SGF29: variants seen among roughly 807,000 people sequenced by gnomAD.
The protein encoded by SGF29 is SAGA-associated factor 29.
A neutral mutation model predicts 38.1 loss-of-function variants in SGF29; 15 were observed. The observed-to-expected ratio is 0.39, with a 90% CI of 0.26 to 0.61. The LOEUF is 0.61. Ranked by LOEUF, SGF29 falls within the 20% of genes least tolerant of loss-of-function variation. SGF29 has a pLI of 0.49. For missense variants in SGF29, 184 were observed against 394.6 expected (o/e 0.47, Z 4.52); for synonymous variants, 151 against 160.8 (o/e 0.94, Z 0.46).
At chr16:28,576,607 G>A (rs1015986491) in intron 1 of SGF29, among the ~76,000 whole-genome samples, 1 of 151,870 alleles carries the variant, frequency 6.6e-6, no homozygotes, top group Non-Finnish European at 1.5e-5. Context: ...GGCTGAGGCA[G>A]GAGAATTGCT....
intron 1 of SGF29, among the ~76,000 whole-genome samples, chr16:28,579,243 C>A (rs966201704): frequency 6.7e-6 from 1 of 149,760 alleles, no homozygotes; most frequent in Non-Finnish European, 1.5e-5. Flanking sequence ...TCTTTTTACT[C>A]TTGTTCTAAT....
At chr16:28,569,896 G>A (rs2046854890) in intron 1 of SGF29, among the ~76,000 whole-genome samples, 1 of 152,178 alleles carries the variant, frequency 6.6e-6, no homozygotes, top group Non-Finnish European at 1.5e-5. Context: ...TTGGCAGCCC[G>A]AGGTAGTTTG....
At chr16:28,564,725 A>G (rs563662879) in intron 1 of SGF29, among the ~76,000 whole-genome samples, 1,470 of 48,180 alleles carry the variant, frequency 0.031, 62 homozygotes, top group African/African-American at 0.08. Flanking sequence ...ATGTATATAT[A>G]TACATATATA....
At chr16:28,589,393 G>C (rs2046973990) in intron 5 of SGF29, 3 of 526,894 alleles carry the variant, frequency 5.7e-6, no homozygotes, top group South Asian at 4.2e-5. Context: ...ATCCCGCCCT[G>C]GCCCCTCATC....
chr16:28,574,170 T>G (rs2046880717), intron 1 of SGF29, among the ~76,000 whole-genome samples: 1 of 152,092 alleles, frequency 6.6e-6, no homozygotes, highest in South Asian at 2.1e-4. Context: ...TTAAGAAGCT[T>G]TGGAACAGGA....
rs2046874111 is a variant in SGF29 at position 28,573,059 on chromosome 16, GT to G, written c.-15-7992del. 2.0e-5 allele frequency among the ~76,000 whole-genome samples: 3 copies of G among 152,252 alleles called. No individual in the cohort carries two copies. The South Asian group carries it at 6.2e-4, about 32-fold the overall frequency. ...GGCTTCTGTCTCTTCCACGGAAAAT[GT>G]TTTCCCCAAGGTCCTCAGTGACTTC... On this transcript the variant is annotated intron_variant, in intron 1 of 9. Coordinates refer to ENST00000317058, the MANE Select transcript of SGF29 (RefSeq NM_138414.3).
rs1182399273 is a variant in SGF29, at chr16:28,587,581, T to C, written c.225-1519T>C. On this transcript the variant is annotated intron_variant, in intron 4 of 9. Coordinates refer to ENST00000317058, the MANE Select transcript of SGF29 (RefSeq NM_138414.3). ...CTACCTCCATCTTCTGGCCCTGGCCTGGTGAGGTCCATGAGTCACATGCCC... is the reference window on the plus strand; with the variant it reads ...CTACCTCCATCTTCTGGCCCTGGCCCGGTGAGGTCCATGAGTCACATGCCC... Among the ~76,000 whole-genome samples, 30 of 152,200 alleles carry C rather than the reference T, an allele frequency of 2.0e-4. 1 individual carries two copies. The highest frequency in any genetic ancestry group is 2.0e-3 in the Admixed American group (30 of 15,288).
chr16:28,581,022 C>A, intron 1 of SGF29, 33 bp from the exon 2 acceptor site: 1 of 1,517,096 alleles, frequency 6.6e-7, no homozygotes. Context: ...CAGCCACTAA[C>A]AGAGTTCTCT....
At chr16:28,588,516 C>T (rs2046968016) in intron 4 of SGF29, 2 of 375,734 alleles carry the variant, frequency 5.3e-6, no homozygotes. Flanking sequence ...TTTCTACCAC[C>T]TTGTTTTTTA....
rs371567713 is a variant in SGF29, at chr16:28,590,052, C to T, written c.290-44C>T. The T allele has an allele frequency of 1.3e-4, 212 of 1,587,848 alleles. 1 individual carries two copies. The East Asian group carries it at 2.7e-3, about 20-fold the overall frequency. On this transcript the variant is annotated intron_variant, in intron 5 of 9. Coordinates refer to ENST00000317058, the MANE Select transcript of SGF29 (RefSeq NM_138414.3). The surrounding 1 kb of genome is among the most constrained non-coding windows in gnomAD (Gnocchi z 8.2). ...GTGCAGCATGCTCGGGGGTCAAGGCCGGCACCTATCCCTGGGGCCTCAGGC... is the reference window on the plus strand; with the variant it reads ...GTGCAGCATGCTCGGGGGTCAAGGCTGGCACCTATCCCTGGGGCCTCAGGC...
chr16:28,583,369 T>C (rs1191868197), intron 2 of SGF29, among the ~76,000 whole-genome samples: 1 of 152,232 alleles, frequency 6.6e-6, no homozygotes, highest in Non-Finnish European at 1.5e-5. Context: ...GCAGCAGTAC[T>C]AGTCTAGCAA....
intron 9 of SGF29, 110 bp from the exon 10 acceptor site, chr16:28,591,480 T>A: frequency 1.3e-6 from 1 of 758,376 alleles, no homozygotes; most frequent in Non-Finnish European, 2.4e-6. Context: ...ATGTTAGGAG[T>A]GGCTGAGAGT....
intron 1 of SGF29, among the ~76,000 whole-genome samples, chr16:28,565,784 G>A (rs1426588530): frequency 1.3e-5 from 2 of 151,554 alleles, no homozygotes; most frequent in Non-Finnish European, 2.9e-5. Context: ...ACCACGCCCA[G>A]CCAGGTATGG....
intron 1 of SGF29, among the ~76,000 whole-genome samples, chr16:28,567,138 GA>G (rs1163011961): frequency 4.0e-5 from 6 of 151,778 alleles, no homozygotes; most frequent in African/African-American, 1.2e-4. Flanking sequence ...TTTTATTATG[GA>G]AAATTTCTAG....
intron 3 of SGF29, 113 bp downstream of exon 3, chr16:28,585,101 T>C (rs2046949364): frequency 3.9e-6 from 3 of 772,560 alleles, no homozygotes; most frequent in African/African-American, 1.7e-5. Flanking sequence ...TGTATCTGCA[T>C]ATTCCAAAAT....
chr16:28,587,501 T>C (rs1205442773), intron 4 of SGF29, among the ~76,000 whole-genome samples: 1 of 152,202 alleles, frequency 6.6e-6, no homozygotes, highest in Non-Finnish European at 1.5e-5. Context: ...ATCCCTGCAT[T>C]GTACGCAGCA....
chr16:28,585,797 C>T (rs1382093672), intron 4 of SGF29, 77 bp downstream of exon 4: 1 of 1,329,954 alleles, frequency 7.5e-7, no homozygotes, highest in Non-Finnish European at 1.1e-6. Context: ...TGGACCAAGT[C>T]CCCAGCCTGC....
chr16:28,569,019 C>T (rs1050061735), intron 1 of SGF29, among the ~76,000 whole-genome samples: 4 of 150,444 alleles, frequency 2.7e-5, no homozygotes, highest in Admixed American at 1.3e-4. Flanking sequence ...ACCTGGGAGG[C>T]GAAGTTTGCA....
At chr16:28,576,784 T>C (rs1345054520) in intron 1 of SGF29, among the ~76,000 whole-genome samples, 2 of 152,068 alleles carry the variant, frequency 1.3e-5, no homozygotes, top group African/African-American at 2.4e-5. Context: ...GCCAAAAAAA[T>C]AGACGTAACC....
Sources: gnomAD v4.1 joint callset for allele counts (sites outside exome capture counted in the v4.1 genomes callset) on GRCh38, gnomAD v4.1.1 for gene constraint, Gnocchi (gnomAD v3.1) non-coding constraint, MANE v1.5 for transcripts, NCBI Gene and HGNC (gene_info 2026-07-23, HGNC 2026-07-21) for gene names.